Variants in ALKBH5 observed in about 807,000 individuals in gnomAD.
ALKBH5 encodes RNA demethylase ALKBH5.
ALKBH5 carries 2 observed loss-of-function variants against 32.1 expected under a neutral mutation model. The observed-to-expected ratio is 0.06, with a 90% CI of 0.03 to 0.20. The LOEUF is 0.20. Among genes scored for constraint, ALKBH5 ranks in the 10% least tolerant of loss-of-function variants. The pLI, the probability that ALKBH5 is intolerant of heterozygous loss-of-function variation, is 1.00. For missense variants in ALKBH5, 352 were observed against 559.5 expected (o/e 0.63, Z 3.74); for synonymous variants, 300 against 231.7 (o/e 1.29, Z -2.68).
intron 3 of ALKBH5, 45 bp downstream of exon 3, chr17:18,207,015 T>C (rs779073604): frequency 1.2e-6 from 2 of 1,602,676 alleles, no homozygotes; most frequent in South Asian, 2.2e-5. Flanking sequence ...AAGGCCTGGC[T>C]GCAGGGTGAG....
At position 18,208,277 on chromosome 17, in the gene ALKBH5, C is replaced by T. The variant is rs748007768; in HGVS notation, c.1066C>T (p.His356Tyr). The change falls in exon 4 of 4, where the codon CAC (histidine) becomes TAC (tyrosine). Residue 356 changes from histidine (H) to tyrosine (Y), a missense_variant. Physicochemically the swap from His to Tyr is moderately conservative, Grantham distance 83. Transcript: ENST00000399138. ...ENRRSVLLPT[H>Y]RRRGSFSSEN... ...CCGGCGCTCGGTGCTGCTGCCCACA[C>T]ACCGGCGGAGGGGTAGCTTCAGCTC... 1.9e-6 allele frequency: 3 copies of T among 1,614,020 alleles called. No individual in the cohort carries two copies. The African/African-American group carries it at 4.0e-5, about 22-fold the overall frequency.
intron 1 of ALKBH5, among the ~76,000 whole-genome samples, chr17:18,192,517 C>T (rs1299357001): frequency 1.3e-5 from 2 of 152,046 alleles, no homozygotes; most frequent in Admixed American, 6.6e-5. Flanking sequence ...AAATGAATAC[C>T]CAAGAACCTA....
At chr17:18,185,127 TTC>T (rs1158281249) in intron 1 of ALKBH5, 114 bp downstream of exon 1, 2 of 1,485,454 alleles carry the variant, frequency 1.3e-6, no homozygotes, top group Non-Finnish European at 1.8e-6. Context: ...TGACCAGTTC[TTC>T]TGTTTGTAGA....
At chr17:18,185,548 G>T (rs1017635103) in intron 1 of ALKBH5, among the ~76,000 whole-genome samples, 2 of 152,166 alleles carry the variant, frequency 1.3e-5, no homozygotes, top group African/African-American at 4.8e-5. Flanking sequence ...CCCTGGAGTT[G>T]AACAGATTAG....
At chr17:18,206,612 C>T (rs2047270225) in intron 2 of ALKBH5, 1 of 608,084 alleles carries the variant, frequency 1.6e-6, no homozygotes, top group Non-Finnish European at 2.9e-6. Flanking sequence ...ATTCCTTACT[C>T]CTAAAGGTGG....
In ALKBH5 at chr17:18,184,834, C is replaced by T. The variant is rs2047127541; in HGVS notation, c.591C>T (p.Pro197=). The change falls in exon 1 of 4, where the codon CCC becomes CCT. Residue 197 remains proline, a synonymous_variant. Coordinates refer to ENST00000399138, the MANE Select transcript of ALKBH5 (RefSeq NM_017758.4). ...GCGCCGTCATCAACGACTACCAGCC[C>T]GGCGGCTGCATCGTGTCTCACGTGG... is the stretch of plus-strand genomic sequence containing the variant. ...VNSAVINDYQ[P]GGCIVSHVDP... The T allele has an allele frequency of 5.0e-6, 8 of 1,614,044 alleles. No individual in the cohort carries two copies. The East Asian group carries it at 6.7e-5, about 13-fold the overall frequency.
chr17:18,184,692 C>G lies in ALKBH5; in HGVS notation c.449C>G (p.Pro150Arg), dbSNP rs2047126630. The change falls in exon 1 of 4, where the codon CCC (proline) becomes CGC (arginine). Residue 150 changes from proline (P) to arginine (R), a missense_variant. Transcript: ENST00000399138. ...TYGAQLQKRG[P>R]GQERLYPPGD... ...GGCGCCCAGCTGCAGAAGCGCGGGC[C>G]CGGCCAGGAGCGCCTCTACCCGCCG... The G allele has an allele frequency of 6.2e-7, 1 of 1,612,628 alleles. No homozygotes were observed. The highest frequency in any genetic ancestry group is 8.5e-7 in the Non-Finnish European group (1 of 1,179,612).
intron 1 of ALKBH5, among the ~76,000 whole-genome samples, chr17:18,190,540 C>G (rs2047167397): frequency 7.2e-6 from 1 of 138,524 alleles, no homozygotes; most frequent in Non-Finnish European, 1.5e-5. Context: ...CAGAGTGGGA[C>G]TCTGTTTCCG....
At chr17:18,196,332 G>A (rs989905935) in intron 2 of ALKBH5, among the ~76,000 whole-genome samples, 4 of 151,542 alleles carry the variant, frequency 2.6e-5, no homozygotes, top group African/African-American at 7.3e-5. Flanking sequence ...AAGTGATTTC[G>A]TGTCTCAGCC....
At chr17:18,188,447 C>T (rs970953426) in intron 1 of ALKBH5, among the ~76,000 whole-genome samples, 1 of 152,218 alleles carries the variant, frequency 6.6e-6, no homozygotes, top group African/African-American at 2.4e-5. Flanking sequence ...GAGTGGGCAC[C>T]CCTGTCAGTT....
intron 1 of ALKBH5, among the ~76,000 whole-genome samples, chr17:18,188,808 C>G (rs1294260490): frequency 6.6e-6 from 1 of 152,192 alleles, no homozygotes; most frequent in Non-Finnish European, 1.5e-5. Context: ...GTGGCTCATG[C>G]CTGTAATGCC....
Position 18,192,883 on chromosome 17 carries a change from G to A in ALKBH5, c.771-2072G>A, listed in dbSNP as rs1275372083. ...TTTTTTTTTTTTTTTTTTTTGAGAC[G>A]GAGTCTCACTCTGTCACCCAGGCTG... On this transcript the variant is annotated intron_variant, in intron 1 of 3. Coordinates refer to ENST00000399138, the MANE Select transcript of ALKBH5 (RefSeq NM_017758.4). 1.1e-4 allele frequency among the ~76,000 whole-genome samples: 15 copies of A among 131,744 alleles called. 1 individual carries two copies. The highest frequency in any genetic ancestry group is 1.1e-3 in the Admixed American group (13 of 11,676). 86.4% of individuals were successfully genotyped at this position (131,744 alleles called of 152,430 possible).
chr17:18,188,861 G>A (rs1207902925), intron 1 of ALKBH5, among the ~76,000 whole-genome samples: 1 of 152,020 alleles, frequency 6.6e-6, no homozygotes, highest in Non-Finnish European at 1.5e-5. Context: ...GAGGTCAGGA[G>A]TTTGAGACCA....
chr17:18,200,046 G>A (rs1350677243), intron 2 of ALKBH5, among the ~76,000 whole-genome samples: 3 of 149,306 alleles, frequency 2.0e-5, no homozygotes, highest in East Asian at 1.9e-4. Flanking sequence ...GCAGTGAGCC[G>A]AGATTGTACC....
At chr17:18,203,267 T>G (rs2047252061) in intron 2 of ALKBH5, among the ~76,000 whole-genome samples, 1 of 152,108 alleles carries the variant, frequency 6.6e-6, no homozygotes, top group Non-Finnish European at 1.5e-5. Flanking sequence ...AGTAGCTTTG[T>G]GACTCAAGCT....
At chr17:18,188,817 C>G (rs1263524648) in intron 1 of ALKBH5, among the ~76,000 whole-genome samples, 1 of 152,148 alleles carries the variant, frequency 6.6e-6, no homozygotes, top group Non-Finnish European at 1.5e-5. Flanking sequence ...GCCTGTAATG[C>G]CAGAACTTTG....
chr17:18,207,490 G>A (rs1473062861), intron 3 of ALKBH5, among the ~76,000 whole-genome samples: 8 of 151,982 alleles, frequency 5.3e-5, no homozygotes, highest in Non-Finnish European at 1.0e-4. Context: ...GTGAAACCCC[G>A]TCTCTACTAA....
intron 1 of ALKBH5, among the ~76,000 whole-genome samples, chr17:18,185,866 C>T (rs2047136219): frequency 6.6e-6 from 1 of 152,198 alleles, no homozygotes; most frequent in Non-Finnish European, 1.5e-5. Context: ...GGCCTCCTTC[C>T]AGTCCTGAAA....
intron 1 of ALKBH5, among the ~76,000 whole-genome samples, chr17:18,193,650 G>T (rs1214558322): frequency 6.6e-6 from 1 of 152,222 alleles, no homozygotes; most frequent in Non-Finnish European, 1.5e-5. Context: ...GCCTGAAGCA[G>T]TCTGGCTTTT....
Sources: gnomAD v4.1 joint callset for allele counts (sites outside exome capture counted in the v4.1 genomes callset) on GRCh38, gnomAD v4.1.1 for gene constraint, MANE v1.5 for transcripts, NCBI Gene and HGNC (gene_info 2026-07-23, HGNC 2026-07-21) for gene names.